Variants in CMPK1 observed in about 807,000 individuals in gnomAD.
CMPK1 encodes the protein cytidine/uridine monophosphate kinase 1, also known as UMP-CMP kinase.
A neutral mutation model predicts 25.7 loss-of-function variants in CMPK1; 10 were observed. That is an observed-to-expected ratio of 0.39 (90% CI 0.24 to 0.66). The LOEUF (loss-of-function observed/expected upper bound fraction) is 0.66, where lower values mean the gene tolerates loss of function less well. Ranked by LOEUF, CMPK1 falls within the 30% of genes least tolerant of loss-of-function variation. The probability of loss-of-function intolerance (pLI) is 0.48; values close to 1 mark genes in which losing one functional copy is unlikely to be tolerated. For synonymous variants in CMPK1, 106 were observed against 101.5 expected (o/e 1.04, Z -0.27); for missense variants, 199 against 280.5 (o/e 0.71, Z 2.08).
At chr1:47,341,812 A>G (rs1459192701) in intron 1 of CMPK1, among the ~76,000 whole-genome samples, 1 of 150,982 alleles carries the variant, frequency 6.6e-6, no homozygotes, top group African/African-American at 2.4e-5. Flanking sequence ...TTTAGTAGAG[A>G]CAGTTTCACC....
At chr1:47,357,265 C>T (rs984632114) in intron 1 of CMPK1, among the ~76,000 whole-genome samples, 3 of 152,114 alleles carry the variant, frequency 2.0e-5, no homozygotes, top group Non-Finnish European at 2.9e-5. Context: ...CCGCGCCCAG[C>T]CCTGCCTTCT....
chr1:47,375,232 T>C lies in CMPK1; in HGVS notation c.584T>C (p.Ile195Thr). The C allele has an allele frequency of 6.2e-7, 1 of 1,608,958 alleles. No individual in the cohort carries two copies. The highest frequency in any genetic ancestry group is 8.5e-7 in the Non-Finnish European group (1 of 1,178,764). ...TACCTTCAGTCAACAAAGCCAATTA[T>C]TGACTTATATGAAGAAATGGGGAAA... ...QTYLQSTKPIIDLYEEMGKVK... is the reference protein window; with the variant it reads ...QTYLQSTKPITDLYEEMGKVK... The change falls in exon 5 of 6, where the codon ATT becomes ACT. Residue 195 changes from isoleucine to threonine, a missense_variant. Ile to Thr is a moderately conservative substitution (Grantham distance 89). This residue lies in a region of CMPK1 where 140 missense variants were observed against 235.5 expected (regional missense o/e 0.59). Transcript: ENST00000371873.
intron 1 of CMPK1, among the ~76,000 whole-genome samples, chr1:47,349,885 A>AATCTCCGCCTCCCGGTTCAAGTG (rs1472853030): frequency 6.6e-6 from 1 of 152,070 alleles, no homozygotes; most frequent in East Asian, 1.9e-4. Flanking sequence ...GGCTCACTGC[A>AATCTCCGCCTCCCGGTTCAAGTG]ATCTCCGCCT....
chr1:47,334,003 C>T lies in CMPK1; in HGVS notation c.58C>T (p.Gln20Ter). The change falls in exon 1 of 6, where the codon CAG becomes TAG. Residue 20 changes from glutamine to a stop codon, truncating the protein, a stop_gained. Transcript: ENST00000371873. LOFTEE classifies it high-confidence loss of function. The stretch of plus-strand genomic sequence containing the variant: ...CGTCCTGGGCCTTAGCTTCCTGCTG[C>T]AGACCCGCCGGCCGATTCTCCTCTG... ...LHVLGLSFLL[Q>*]TRRPILLCSP... The T allele has an allele frequency of 6.5e-7, 1 of 1,544,558 alleles. No individual in the cohort carries two copies. The highest frequency in any genetic ancestry group is 2.5e-5 in the East Asian group (1 of 39,674).
At chr1:47,336,088 A>AGACT (rs981453941) in intron 1 of CMPK1, among the ~76,000 whole-genome samples, 1 of 152,026 alleles carries the variant, frequency 6.6e-6, no homozygotes, top group African/African-American at 2.4e-5. Context: ...AAAAGTAAAG[A>AGACT]GACTGGCTGC....
At position 47,365,271 on chromosome 1, in the gene CMPK1, CTT is replaced by C. The variant is rs34324996; in HGVS notation, c.172-3184_172-3183del. Among the ~76,000 whole-genome samples, 338 of 137,182 alleles carry C rather than the reference CTT, an allele frequency of 2.5e-3. 1 individual carries two copies. Among genetic ancestry groups the C allele is most frequent in the African/African-American group, 6.7e-3 (247 of 37,032 alleles). 90.0% of individuals were successfully genotyped at this position (137,182 alleles called of 152,430 possible). A position where few individuals can be genotyped will look rare whatever the true frequency, so the allele number is the denominator to read the frequency against. On this transcript the variant is annotated intron_variant, in intron 1 of 5. Coordinates refer to ENST00000371873, the MANE Select transcript of CMPK1 (RefSeq NM_016308.3). ...TGTGCATCATTTGTACCCTGAAGATCTTTTTTTTTTTTTTTGTCTTGTGTTTT... is the reference window on the plus strand; with the variant it reads ...TGTGCATCATTTGTACCCTGAAGATCTTTTTTTTTTTTTGTCTTGTGTTTT...
chr1:47,340,646 A>AT lies in CMPK1; in HGVS notation c.171+6542dup, dbSNP rs897365199. Among the ~76,000 whole-genome samples the AT allele has an allele frequency of 6.2e-4, 92 of 148,224 alleles. 1 individual carries two copies. The highest frequency in any genetic ancestry group is 2.1e-3 in the South Asian group (10 of 4,680). On this transcript the variant is annotated intron_variant, in intron 1 of 5. Transcript: ENST00000371873. ...CTTCTTTCCTTCTGGTGGAATAATAATTTTTTTTTTTTCGAGGCAGAGTTT... is the reference window on the plus strand; with the variant it reads ...CTTCTTTCCTTCTGGTGGAATAATAATTTTTTTTTTTTTCGAGGCAGAGTTT...
chr1:47,343,691 A>G (rs1159884377), intron 1 of CMPK1, among the ~76,000 whole-genome samples: 1 of 152,068 alleles, frequency 6.6e-6, no homozygotes, highest in Non-Finnish European at 1.5e-5. Flanking sequence ...GGGTGCAAGA[A>G]TTACTTGAGC....
At position 47,334,010 on chromosome 1, in the gene CMPK1, G is replaced by T; in HGVS notation, c.65G>T (p.Arg22Leu). The T allele has an allele frequency of 1.3e-6, 2 of 1,545,966 alleles. No individual in the cohort carries two copies. Among genetic ancestry groups the T allele is most frequent in the Non-Finnish European group, 1.7e-6 (2 of 1,145,890 alleles). Residue 22 changes from arginine to leucine, a missense_variant, in exon 1 of 6, where the codon CGC (arginine) becomes CTC (leucine). Physicochemically the swap from Arg to Leu is moderately radical, Grantham distance 102 (BLOSUM62 -2). Around this residue, in one of 2 missense-constraint regions of CMPK1, gnomAD observed 59 missense variants for 45.1 expected, o/e 1.31. Coordinates refer to ENST00000371873, the MANE Select transcript of CMPK1 (RefSeq NM_016308.3). ...VLGLSFLLQTRRPILLCSPRL... is the reference protein window; with the variant it reads ...VLGLSFLLQTLRPILLCSPRL... ...GGCCTTAGCTTCCTGCTGCAGACCCGCCGGCCGATTCTCCTCTGCTCTCCA... is the reference window on the plus strand; with the variant it reads ...GGCCTTAGCTTCCTGCTGCAGACCCTCCGGCCGATTCTCCTCTGCTCTCCA...
At chr1:47,350,887 G>A (rs1482098884) in intron 1 of CMPK1, among the ~76,000 whole-genome samples, 3 of 148,878 alleles carry the variant, frequency 2.0e-5, no homozygotes, top group Non-Finnish European at 3.0e-5. Flanking sequence ...CAGCCTGGGC[G>A]ACAAAGTGAG....
At chr1:47,345,286 C>T (rs529851662) in intron 1 of CMPK1, among the ~76,000 whole-genome samples, 100 of 151,986 alleles carry the variant, frequency 6.6e-4, no homozygotes, top group African/African-American at 2.3e-3. Flanking sequence ...GACTCTCAAA[C>T]GTTCTCAGTT....
chr1:47,335,647 A>G (rs1646392469), intron 1 of CMPK1, among the ~76,000 whole-genome samples: 1 of 152,088 alleles, frequency 6.6e-6, no homozygotes, highest in South Asian at 2.1e-4. Context: ...AAAAAAAAAA[A>G]AAAAAAAAAA....
At chr1:47,376,682 T>C (rs781728243) in intron 5 of CMPK1, 22 bp from the exon 6 acceptor site, 1 of 1,513,468 alleles carries the variant, frequency 6.6e-7, no homozygotes, top group South Asian at 1.1e-5. Flanking sequence ...TTTAAAATTA[T>C]TATCATCTTT....
At chr1:47,365,891 A>C (rs375210518) in intron 1 of CMPK1, among the ~76,000 whole-genome samples, 2 of 152,162 alleles carry the variant, frequency 1.3e-5, no homozygotes, top group Middle Eastern at 3.4e-3. Flanking sequence ...TATATTTGTC[A>C]CTAGAAAATT....
At chr1:47,371,107 T>C (rs1646675403) in intron 2 of CMPK1, among the ~76,000 whole-genome samples, 2 of 152,078 alleles carry the variant, frequency 1.3e-5, no homozygotes, top group South Asian at 4.1e-4. Flanking sequence ...AGAAATGCAA[T>C]ATTGGGAACA....
intron 1 of CMPK1, among the ~76,000 whole-genome samples, chr1:47,346,775 T>C (rs1225992301): frequency 6.6e-6 from 1 of 151,866 alleles, no homozygotes; most frequent in Non-Finnish European, 1.5e-5. Flanking sequence ...AATGCTGGGA[T>C]TACAGGCATG....
chr1:47,343,663 C>T (rs1278168389), intron 1 of CMPK1, among the ~76,000 whole-genome samples: 1 of 152,076 alleles, frequency 6.6e-6, no homozygotes, highest in Non-Finnish European at 1.5e-5. Context: ...CCTGTAATCC[C>T]AGCACTTTGG....
At chr1:47,356,226 G>C (rs988632602) in intron 1 of CMPK1, among the ~76,000 whole-genome samples, 2 of 152,154 alleles carry the variant, frequency 1.3e-5, no homozygotes, top group Admixed American at 6.5e-5. Context: ...TTTTTTCCCA[G>C]ATGGATAGCC....
intron 4 of CMPK1, 91 bp downstream of exon 4, chr1:47,375,076 T>C (rs1646698796): frequency 1.5e-6 from 2 of 1,311,360 alleles, no homozygotes; most frequent in Non-Finnish European, 2.2e-6. Context: ...ACATGTAAAA[T>C]GGCTTGTTTA....
Sources: allele counts gnomAD v4.1 joint callset (sites outside exome capture counted in the v4.1 genomes callset), GRCh38; gene constraint gnomAD v4.1.1; regional missense constraint gnomAD v4.1.1; transcripts MANE v1.5; gene names NCBI Gene and HGNC (gene_info 2026-07-23, HGNC 2026-07-21).